Variants in CMIP observed in about 807,000 individuals in gnomAD.
CMIP encodes c-Maf inducing protein.
A neutral mutation model predicts 97.3 loss-of-function variants in CMIP; 13 were observed. The observed-to-expected ratio is 0.13, with a 90% confidence interval of 0.09 to 0.21. CMIP has a LOEUF of 0.21. CMIP is among the 10% of genes least tolerant of loss of function. CMIP has a pLI of 1.00. For synonymous variants in CMIP, 538 were observed against 436.3 expected (o/e 1.23, Z -2.91); for missense variants, 847 against 1,024.9 (o/e 0.83, Z 2.37).
At chr16:81,506,393 C>T (rs2089709838) in intron 1 of CMIP, among the ~76,000 whole-genome samples, 1 of 152,192 alleles carries the variant, frequency 6.6e-6, no homozygotes, top group South Asian at 2.1e-4. Context: ...AGAGGTGGAT[C>T]TTGCCTCAGT....
At chr16:81,505,106 C>T (rs564848656) in intron 1 of CMIP, among the ~76,000 whole-genome samples, 26 of 152,324 alleles carry the variant, frequency 1.7e-4, no homozygotes, top group South Asian at 8.3e-4. Flanking sequence ...CTCATCTGAT[C>T]GTGCAGTGAC....
At chr16:81,596,902 T>C (rs1001560523) in intron 1 of CMIP, among the ~76,000 whole-genome samples, 2 of 152,272 alleles carry the variant, frequency 1.3e-5, no homozygotes, top group African/African-American at 4.8e-5. Flanking sequence ...CACATGGTGA[T>C]GTACATTGAT....
At chr16:81,521,865 C>T (rs983055896) in intron 1 of CMIP, among the ~76,000 whole-genome samples, 3 of 152,210 alleles carry the variant, frequency 2.0e-5, no homozygotes, top group African/African-American at 4.8e-5. Context: ...TGAGTGTTCC[C>T]TTGTCTTTTT....
chr16:81,568,151 C>T (rs986619495), intron 1 of CMIP, among the ~76,000 whole-genome samples: 3 of 151,154 alleles, frequency 2.0e-5, no homozygotes, highest in African/African-American at 7.3e-5. Flanking sequence ...TTCTAGGGCA[C>T]CTTTGATGGG....
At chr16:81,485,716 T>C (rs149557477) in intron 1 of CMIP, among the ~76,000 whole-genome samples, 1 of 152,362 alleles carries the variant, frequency 6.6e-6, no homozygotes, top group East Asian at 1.9e-4. Flanking sequence ...TTTTAGGTGT[T>C]ATTTAGTTAT....
chr16:81,624,098 T>C (rs1339942973), intron 3 of CMIP, among the ~76,000 whole-genome samples: 1 of 151,068 alleles, frequency 6.6e-6, no homozygotes, highest in Admixed American at 6.6e-5. Flanking sequence ...TTTCCTTCCT[T>C]GTTTCTTTTC....
At chr16:81,645,848 A>G in intron 3 of CMIP, 2 of 552,370 alleles carry the variant, frequency 3.6e-6, no homozygotes, top group Non-Finnish European at 6.5e-6. Flanking sequence ...ATATTATCTC[A>G]TGAAATAGTC....
At chr16:81,473,359 G>A (rs1166743703) in intron 1 of CMIP, among the ~76,000 whole-genome samples, 3 of 152,210 alleles carry the variant, frequency 2.0e-5, no homozygotes, top group Non-Finnish European at 2.9e-5. Context: ...TGTCTGGGAC[G>A]GATTTCAGGA....
chr16:81,670,422 A>G (rs2151040134), intron 8 of CMIP, among the ~76,000 whole-genome samples, 177 bp downstream of exon 8: 1 of 152,192 alleles, frequency 6.6e-6, no homozygotes, highest in South Asian at 2.1e-4. Context: ...GACCTCAGCA[A>G]CACTGCTGTT....
chr16:81,640,668 G>C (rs951548608), intron 3 of CMIP, among the ~76,000 whole-genome samples: 5 of 151,616 alleles, frequency 3.3e-5, no homozygotes, highest in Admixed American at 3.3e-4. Flanking sequence ...AGCTTCTGAT[G>C]GTGTCCGGCT....
In CMIP at chr16:81,445,173, G is replaced by A; in HGVS notation, c.-69G>A. 5.7e-6 allele frequency: 6 copies of A among 1,046,116 alleles called. No individual in the cohort carries two copies. The South Asian group carries it at 1.4e-4, about 24-fold the overall frequency. 64.8% of individuals were successfully genotyped at this position (1,046,116 alleles called of 1,614,324 possible). A position where few individuals can be genotyped will look rare whatever the true frequency, so the allele number is the denominator to read the frequency against. ...GGGGGTGCGGGCCGCCGGATCCGGGGGCCCCGCCGCCCCAGCAGCCCAGGA... is the reference window on the plus strand; with the variant it reads ...GGGGGTGCGGGCCGCCGGATCCGGGAGCCCCGCCGCCCCAGCAGCCCAGGA... On this transcript the variant is annotated 5_prime_UTR_variant, in exon 1 of 21. Coordinates refer to ENST00000537098, the MANE Select transcript of CMIP (RefSeq NM_198390.3).
chr16:81,670,815 C>T (rs2092676765), intron 8 of CMIP, among the ~76,000 whole-genome samples: 2 of 151,962 alleles, frequency 1.3e-5, no homozygotes, highest in South Asian at 4.1e-4. Context: ...CATTCTTGTT[C>T]TTCTCATCTC....
intron 1 of CMIP, among the ~76,000 whole-genome samples, chr16:81,525,900 C>T (rs1230368674): frequency 6.6e-6 from 1 of 152,080 alleles, no homozygotes; most frequent in Admixed American, 6.6e-5. Context: ...TTTTACTTAG[C>T]GTAATGCTCT....
chr16:81,637,474 C>T (rs2092251184), intron 3 of CMIP, among the ~76,000 whole-genome samples: 1 of 152,194 alleles, frequency 6.6e-6, no homozygotes, highest in African/African-American at 2.4e-5. Flanking sequence ...ATTTAATTCT[C>T]CCAATAGCTC....
At chr16:81,632,707 A>C (rs1453511573) in intron 3 of CMIP, among the ~76,000 whole-genome samples, 1 of 152,232 alleles carries the variant, frequency 6.6e-6, no homozygotes, top group Non-Finnish European at 1.5e-5. Context: ...TCCAGGGACC[A>C]GGGTGGAGTG....
At position 81,515,769 on chromosome 16, in the gene CMIP, C is replaced by T. The variant is rs556340999; in HGVS notation, c.300+70228C>T. Among the ~76,000 whole-genome samples, 3 of 152,284 alleles carry T rather than the reference C, an allele frequency of 2.0e-5. No individual in the cohort carries two copies. The East Asian group carries it at 5.8e-4, about 29-fold the overall frequency. Reference sequence around the variant, plus strand: ...CTGATCTGCTGGGTGTGGTCGGGAGCCAATCTCTGTAGGTTCTTGTGTCCC... The same window carrying T: ...CTGATCTGCTGGGTGTGGTCGGGAGTCAATCTCTGTAGGTTCTTGTGTCCC... On this transcript the variant is annotated intron_variant, in intron 1 of 20. Coordinates refer to ENST00000537098, the MANE Select transcript of CMIP (RefSeq NM_198390.3).
intron 1 of CMIP, among the ~76,000 whole-genome samples, chr16:81,588,599 C>G (rs893279516): frequency 8.5e-5 from 13 of 152,118 alleles, no homozygotes; most frequent in African/African-American, 3.1e-4. Context: ...CAGTAATTGC[C>G]AAAACCCAAC....
At chr16:81,482,498 C>G (rs2089241487) in intron 1 of CMIP, among the ~76,000 whole-genome samples, 1 of 152,074 alleles carries the variant, frequency 6.6e-6, no homozygotes, top group South Asian at 2.1e-4. Flanking sequence ...CCTTTTAAGT[C>G]ATGGGGCAGA....
At chr16:81,688,600 T>C (rs554770510) in intron 10 of CMIP, among the ~76,000 whole-genome samples, 79 of 152,324 alleles carry the variant, frequency 5.2e-4, no homozygotes, top group Non-Finnish European at 9.0e-4. Flanking sequence ...GTGGAAAGTC[T>C]CCGTGACATC....
Sources: gnomAD v4.1 joint callset for allele counts (sites outside exome capture counted in the v4.1 genomes callset) on GRCh38, gnomAD v4.1.1 for gene constraint, MANE v1.5 for transcripts, NCBI Gene and HGNC (gene_info 2026-07-23, HGNC 2026-07-21) for gene names.